Variants in N4BP2 observed in about 807,000 individuals in gnomAD.
N4BP2 encodes NEDD4-binding protein 2.
In N4BP2, 91 loss-of-function variants were observed where a neutral mutation model predicts 152.8. The ratio of observed to expected loss-of-function variants is 0.60; its 90% confidence interval spans 0.50 to 0.71. The LOEUF (loss-of-function observed/expected upper bound fraction) is 0.71. Among genes scored for constraint, N4BP2 ranks in the 30% least tolerant of loss-of-function variants. The pLI, the probability that N4BP2 is intolerant of heterozygous loss-of-function variation, is 0.00. For missense variants in N4BP2, 1,923 were observed against 2,059.1 expected (o/e 0.93, Z 1.28); for synonymous variants, 646 against 705.3 (o/e 0.92, Z 1.33).
chr4:40,176,719 T>TC, the N4BP2 span, among the ~76,000 whole-genome samples: 2 of 152,192 alleles, frequency 1.3e-5, no homozygotes, highest in South Asian at 4.1e-4. Flanking sequence ...AAAGCAGATG[T>TC]CCCTGAGACA....
chr4:40,183,639 TTTTTACA>T, the N4BP2 span, among the ~76,000 whole-genome samples: 8 of 152,294 alleles, frequency 5.3e-5, no homozygotes, highest in Middle Eastern at 0.02. Context: ...ACCGGCCTAC[TTTTTACA>T]TTTTATAAGA....
the N4BP2 span, among the ~76,000 whole-genome samples, chr4:40,165,885 A>C: frequency 1.3e-5 from 2 of 152,074 alleles, no homozygotes; most frequent in Admixed American, 6.5e-5. Flanking sequence ...AGATACCCCA[A>C]AGCCTCTGTC....
chr4:40,071,903 T>TTTAAAA (rs1712228223), intron 1 of N4BP2, among the ~76,000 whole-genome samples: 1 of 151,832 alleles, frequency 6.6e-6, no homozygotes, highest in Non-Finnish European at 1.5e-5. Context: ...TTATTTTATT[T>TTTAAAA]TATTTTATTT....
At chr4:40,090,307 TA>T (rs544844818) in intron 2 of N4BP2, among the ~76,000 whole-genome samples, 7 of 152,204 alleles carry the variant, frequency 4.6e-5, no homozygotes, top group South Asian at 2.1e-4. Flanking sequence ...TCTATATCTA[TA>T]AAAAAATCTT....
the N4BP2 span, among the ~76,000 whole-genome samples, chr4:40,173,946 T>C: frequency 2.6e-5 from 4 of 152,218 alleles, no homozygotes; most frequent in Admixed American, 1.3e-4. Flanking sequence ...TCATAAACTT[T>C]TCTGGGCTTA....
At chr4:40,117,007 T>C (rs146640312) in intron 7 of N4BP2, among the ~76,000 whole-genome samples, 236 of 152,310 alleles carry the variant, frequency 1.5e-3, no homozygotes, top group African/African-American at 5.4e-3. Context: ...TTTAATATCA[T>C]CTCTTTGTCT....
chr4:40,129,638 C>CT (rs1328150420), intron 12 of N4BP2, among the ~76,000 whole-genome samples: 1 of 151,030 alleles, frequency 6.6e-6, no homozygotes, highest in East Asian at 1.9e-4. Context: ...TTTTTTCTTT[C>CT]TTTTTTTTCT....
At chr4:40,130,276 C>T (rs1248521592) in intron 12 of N4BP2, among the ~76,000 whole-genome samples, 2 of 152,050 alleles carry the variant, frequency 1.3e-5, no homozygotes, top group East Asian at 1.9e-4. Context: ...GCGATCTGCC[C>T]ACCTTGGCCT....
At chr4:40,146,755 T>C (rs1720554885) in intron 16 of N4BP2, among the ~76,000 whole-genome samples, 1 of 152,136 alleles carries the variant, frequency 6.6e-6, no homozygotes, top group Non-Finnish European at 1.5e-5. Flanking sequence ...TGCTACACAT[T>C]AGCTCAGCAG....
chr4:40,114,496 G>T (rs997080493), intron 7 of N4BP2, among the ~76,000 whole-genome samples: 1 of 152,126 alleles, frequency 6.6e-6, no homozygotes, highest in African/African-American at 2.4e-5. Context: ...GTTTGTGTCT[G>T]GCATCTTTTC....
the N4BP2 span, among the ~76,000 whole-genome samples, chr4:40,171,462 T>G: frequency 1.3e-5 from 2 of 152,164 alleles, no homozygotes; most frequent in Non-Finnish European, 2.9e-5. Context: ...GACACTTAGG[T>G]TCAGCTTTGG....
rs1489742533 is a variant in N4BP2 at position 40,126,317 on chromosome 4, A to C, written c.4514A>C (p.Glu1505Ala). ...EIMSEEIALQEKHNLKRETLM... is the reference protein window; with the variant it reads ...EIMSEEIALQAKHNLKRETLM... ...ATGTCAGAAGAAATTGCCTTACAGG[A>C]AAAACATAATTTGGTATGAATTAAT... Residue 1505 changes from glutamate to alanine, a missense_variant, in exon 12 of 18, where the codon GAA becomes GCA. Glu to Ala is a moderately radical substitution (Grantham distance 107). Coordinates refer to ENST00000261435, the MANE Select transcript of N4BP2 (RefSeq NM_018177.6). 6.6e-7 allele frequency: 1 copy of C among 1,520,650 alleles called. No homozygotes were observed. The highest frequency in any genetic ancestry group is 1.4e-5 in the African/African-American group (1 of 71,408). 94.2% of individuals were successfully genotyped at this position (1,520,650 alleles called of 1,614,324 possible). A position where few individuals can be genotyped will look rare whatever the true frequency, so the allele number is the denominator to read the frequency against.
chr4:40,064,921 C>G (rs1486624553), intron 1 of N4BP2, among the ~76,000 whole-genome samples: 4 of 152,032 alleles, frequency 2.6e-5, no homozygotes, highest in Non-Finnish European at 5.9e-5. Context: ...CAGGTATGCA[C>G]CACCACACTC....
chr4:40,147,683 G>T (rs1473265011), intron 16 of N4BP2, among the ~76,000 whole-genome samples: 3 of 148,882 alleles, frequency 2.0e-5, no homozygotes, highest in Non-Finnish European at 4.5e-5. Flanking sequence ...GGTGGGGGCT[G>T]ACCCCCCACC....
intron 10 of N4BP2, 68 bp downstream of exon 10, chr4:40,123,280 T>A (rs1210822125): frequency 9.4e-7 from 1 of 1,063,772 alleles, no homozygotes; most frequent in Admixed American, 1.9e-5. Flanking sequence ...TTCAGTGAAA[T>A]CTACCACATA....
downstream of N4BP2, among the ~76,000 whole-genome samples, chr4:40,160,522 A>C (rs1317449533): frequency 4.6e-5 from 7 of 152,198 alleles, no homozygotes; most frequent in South Asian, 2.1e-4. Flanking sequence ...AGCACATTTA[A>C]GGTAGGCTAG....
the N4BP2 span, among the ~76,000 whole-genome samples, chr4:40,183,398 C>G: frequency 2.0e-5 from 3 of 150,344 alleles, no homozygotes; most frequent in Non-Finnish European, 4.4e-5. Context: ...TGCAGTGGCG[C>G]GATCTCTGCT....
intron 2 of N4BP2, chr4:40,077,850 A>C (rs1350101481): frequency 1.3e-5 from 2 of 152,172 alleles, no homozygotes; most frequent in Non-Finnish European, 2.9e-5. Flanking sequence ...GTCATATACT[A>C]CATATAAAAG....
chr4:40,161,174 T>C (rs947872910), downstream of N4BP2, among the ~76,000 whole-genome samples: 1 of 152,194 alleles, frequency 6.6e-6, no homozygotes, highest in Non-Finnish European at 1.5e-5. Flanking sequence ...GTAGAGGTCT[T>C]GGCCTGATAA....
Sources: allele counts gnomAD v4.1 joint callset (sites outside exome capture counted in the v4.1 genomes callset), GRCh38; gene constraint gnomAD v4.1.1; transcripts MANE v1.5; gene names NCBI Gene and HGNC (gene_info 2026-07-23, HGNC 2026-07-21).